NAALADL2: variants seen among roughly 807,000 people sequenced by gnomAD.
NAALADL2 encodes N-acetylated alpha-linked acidic dipeptidase like 2.
In NAALADL2, 76 loss-of-function variants were observed where a neutral mutation model predicts 87.2. The ratio of observed to expected loss-of-function variants is 0.87; its 90% CI spans 0.72 to 1.05. NAALADL2 has a LOEUF of 1.05. Ranked by LOEUF, NAALADL2 falls within the 50% of genes least tolerant of loss-of-function variation. NAALADL2 has a pLI of 0.00. For synonymous variants in NAALADL2, 354 were observed against 331.0 expected (o/e 1.07, Z -0.75); for missense variants, 1,089 against 945.8 (o/e 1.15, Z -1.99).
chr3:175,441,257 G>A (rs1719702735), intron 5 of NAALADL2, among the ~76,000 whole-genome samples: 1 of 152,014 alleles, frequency 6.6e-6, no homozygotes, highest in South Asian at 2.1e-4. Flanking sequence ...GTACTATGTT[G>A]AATTCATGTG....
chr3:174,718,588 C>T (rs1731423181), intron 2 of NAALADL2, among the ~76,000 whole-genome samples: 1 of 151,992 alleles, frequency 6.6e-6, no homozygotes, highest in Non-Finnish European at 1.5e-5. Flanking sequence ...CAATTTTTGC[C>T]CTAGGAGACT....
chr3:175,610,949 C>T (rs1032076734), intron 10 of NAALADL2, among the ~76,000 whole-genome samples: 1 of 151,834 alleles, frequency 6.6e-6, no homozygotes, highest in Non-Finnish European at 1.5e-5. Context: ...AATATAATAA[C>T]AATATACAAT....
At chr3:174,833,768 T>G (rs1268547478) in intron 3 of NAALADL2, among the ~76,000 whole-genome samples, 2 of 151,650 alleles carry the variant, frequency 1.3e-5, no homozygotes, top group Admixed American at 6.6e-5. Flanking sequence ...TCAATTTAAT[T>G]TAAAATGTAT....
intron 1 of NAALADL2, among the ~76,000 whole-genome samples, chr3:174,535,408 C>A (rs1721633335): frequency 1.3e-5 from 2 of 152,116 alleles, no homozygotes; most frequent in South Asian, 4.1e-4. Context: ...AGAACCAAAG[C>A]TAATAGTATT....
intron 1 of NAALADL2, among the ~76,000 whole-genome samples, chr3:175,013,049 ATAAATATATACAC>A (rs1750084505): frequency 2.5e-5 from 1 of 40,268 alleles, no homozygotes; most frequent in African/African-American, 6.6e-5. Flanking sequence ...TAATATATAC[ATAAATATATACAC>A]ATATATATAA....
intron 10 of NAALADL2, among the ~76,000 whole-genome samples, chr3:175,578,325 G>A (rs1441561911): frequency 6.6e-6 from 1 of 151,984 alleles, no homozygotes; most frequent in Admixed American, 6.6e-5. Context: ...GGGGATGGTG[G>A]GGAGGGCTGT....
At chr3:174,722,898 C>T (rs1338339841) in intron 2 of NAALADL2, among the ~76,000 whole-genome samples, 1 of 152,148 alleles carries the variant, frequency 6.6e-6, no homozygotes, top group Non-Finnish European at 1.5e-5. Flanking sequence ...CTGGGGTCAT[C>T]TGTGACTCTA....
chr3:175,014,163 T>G (rs1003110208), intron 1 of NAALADL2, among the ~76,000 whole-genome samples: 32 of 152,232 alleles, frequency 2.1e-4, no homozygotes, highest in African/African-American at 7.5e-4. Flanking sequence ...CTTCTATGAT[T>G]ATTCTTCCTA....
intron 6 of NAALADL2, among the ~76,000 whole-genome samples, chr3:175,459,539 A>G (rs1722797592): frequency 6.6e-6 from 1 of 151,654 alleles, no homozygotes; most frequent in Admixed American, 6.6e-5. Flanking sequence ...AAAAAGTAAT[A>G]ATAATTTTTC....
At position 174,523,816 on chromosome 3, in the gene NAALADL2, A is replaced by G. The variant is rs557556689; in HGVS notation, c.-183-26753A>G. Among the ~76,000 whole-genome samples the G allele has an allele frequency of 4.6e-5, 7 of 152,252 alleles. No homozygotes were observed. The East Asian group carries it at 7.7e-4, about 17-fold the overall frequency. ...TGCCAATTTGTGTTTAAATATTGCA[A>G]CGTAATTATGTGTCTTATTATTTTA... On this transcript the variant is annotated intron_variant, in intron 1 of 3. Transcript: ENST00000434257.
At chr3:174,489,004 T>C (rs1421669166) in intron 1 of NAALADL2, among the ~76,000 whole-genome samples, 2 of 152,088 alleles carry the variant, frequency 1.3e-5, no homozygotes, top group Non-Finnish European at 2.9e-5. Flanking sequence ...CCATTGGTAT[T>C]GATATCGATG....
chr3:174,636,226 A>G (rs1446111767), intron 2 of NAALADL2, among the ~76,000 whole-genome samples: 2 of 152,314 alleles, frequency 1.3e-5, no homozygotes, highest in South Asian at 2.1e-4. Flanking sequence ...ACCTGAAACT[A>G]TAAAGCTACT....
At chr3:175,755,132 G>T in intron 12 of NAALADL2, 88 bp from the exon 13 acceptor site, 2 of 1,100,656 alleles carry the variant, frequency 1.8e-6, no homozygotes, top group Non-Finnish European at 1.3e-6. Context: ...GGTCTGTCTG[G>T]CTTATAACTT....
At chr3:175,513,797 A>G (rs1476726205) in intron 9 of NAALADL2, among the ~76,000 whole-genome samples, 2 of 152,234 alleles carry the variant, frequency 1.3e-5, no homozygotes, top group Non-Finnish European at 2.9e-5. Context: ...CAATACAGTT[A>G]TTAAATTATA....
chr3:175,321,267 CCTTTGA>C (rs1286027529), intron 4 of NAALADL2, among the ~76,000 whole-genome samples: 4 of 135,130 alleles, frequency 3.0e-5, no homozygotes, highest in Non-Finnish European at 6.2e-5. Flanking sequence ...GCAGAAAAAG[CCTTTGA>C]CAAAATTCAA....
intron 2 of NAALADL2, among the ~76,000 whole-genome samples, chr3:174,595,883 A>T (rs1467331368): frequency 6.6e-6 from 1 of 152,056 alleles, no homozygotes; most frequent in South Asian, 2.1e-4. Context: ...GTGGTGGCGC[A>T]TGCCTGTAAT....
At chr3:174,626,531 G>A (rs564089886) in intron 2 of NAALADL2, among the ~76,000 whole-genome samples, 3 of 151,710 alleles carry the variant, frequency 2.0e-5, no homozygotes, top group Non-Finnish European at 2.9e-5. Context: ...CCTGTCTGTC[G>A]GGTGTGCTCA....
chr3:175,463,259 G>A lies in NAALADL2; in HGVS notation c.1235-142G>A, dbSNP rs989830676. The A allele has an allele frequency of 2.9e-4, 163 of 554,190 alleles. 1 individual carries two copies. Among genetic ancestry groups the A allele is most frequent in the Middle Eastern group, 1.0e-3 (2 of 1,994 alleles). 34.3% of individuals were successfully genotyped at this position (554,190 alleles called of 1,614,324 possible). A position where few individuals can be genotyped will look rare whatever the true frequency, so the allele number is the denominator to read the frequency against. ...ACAAAGTATTGAATAAATATTTGTC[G>A]GAAAAAGTATAACTGGCTATCTGAG... On this transcript the variant is annotated intron_variant, in intron 6 of 13. Coordinates refer to ENST00000454872, the MANE Select transcript of NAALADL2 (RefSeq NM_207015.3).
chr3:174,519,745 T>C (rs1720159816), intron 1 of NAALADL2, among the ~76,000 whole-genome samples: 2 of 152,130 alleles, frequency 1.3e-5, no homozygotes, highest in South Asian at 2.1e-4. Flanking sequence ...AAAAATCTTA[T>C]GATCATCTCA....
Sources: gnomAD v4.1 joint callset for allele counts (sites outside exome capture counted in the v4.1 genomes callset) on GRCh38, gnomAD v4.1.1 for gene constraint, MANE v1.5 for transcripts, NCBI Gene and HGNC (gene_info 2026-07-23, HGNC 2026-07-21) for gene names.